The following NRXN3 variants were observed in gnomAD, a reference collection of about 807,000 sequenced individuals.
NRXN3 encodes the protein neurexin 3.
In NRXN3, 32 loss-of-function variants were observed where a neutral mutation model predicts 137.6. The observed-to-expected ratio is 0.23, with a 90% CI of 0.18 to 0.31. NRXN3 has a LOEUF of 0.31. Ranked by LOEUF, NRXN3 falls within the 10% of genes least tolerant of loss-of-function variation. The probability of loss-of-function intolerance (pLI) is 1.00; values close to 1 mark genes in which losing one functional copy is unlikely to be tolerated. For missense variants in NRXN3, 1,574 were observed against 2,062.5 expected (o/e 0.76, Z 4.59); for synonymous variants, 798 against 784.5 (o/e 1.02, Z -0.29).
rs113697897 is a variant in NRXN3 at position 79,563,866 on chromosome 14, C to A, written c.3444+96464C>A. On this transcript the variant is annotated intron_variant, in intron 16 of 20. Transcript: ENST00000335750. ...AATGATTCTGACTGGAACACAGCAG[C>A]CACCTCTCTTGTAAATAGCTGGGTC... 8.9e-4 allele frequency among the ~76,000 whole-genome samples: 136 copies of A among 152,056 alleles called. 1 individual carries two copies. In the Middle Eastern group the frequency reaches 0.017, roughly 19 times the overall value.
At chr14:79,769,094 G>A (rs1180969665) in intron 19 of NRXN3, among the ~76,000 whole-genome samples, 3 of 151,820 alleles carry the variant, frequency 2.0e-5, no homozygotes, top group Non-Finnish European at 4.4e-5. Flanking sequence ...AAGGAAACGA[G>A]CAAAGCCTCC....
At chr14:78,987,879 T>C in intron 14 of NRXN3, 143 bp from the exon 15 acceptor site, 2 of 828,664 alleles carry the variant, frequency 2.4e-6, no homozygotes, top group East Asian at 2.7e-5. Flanking sequence ...TTGCATGAGA[T>C]TGAGTTGACA....
intron 6 of NRXN3, among the ~76,000 whole-genome samples, chr14:78,694,276 A>G (rs1016961494): frequency 1.3e-5 from 2 of 152,094 alleles, no homozygotes; most frequent in Non-Finnish European, 2.9e-5. Flanking sequence ...CATGACACTC[A>G]ATAAATATAT....
intron 6 of NRXN3, among the ~76,000 whole-genome samples, chr14:78,669,279 G>A (rs1016914989): frequency 1.3e-5 from 2 of 152,122 alleles, no homozygotes; most frequent in African/African-American, 2.4e-5. Context: ...AGTAGTAGTA[G>A]TAGTAGTAAT....
At chr14:79,854,217 T>C (rs1040311892) in intron 20 of NRXN3, 1 of 920,824 alleles carries the variant, frequency 1.1e-6, no homozygotes, top group East Asian at 1.2e-4. Flanking sequence ...AATTTGTTGA[T>C]GTAAGTTGAC....
At chr14:79,208,935 A>AGTTTTTTT (rs950017598) in intron 15 of NRXN3, among the ~76,000 whole-genome samples, 12 of 147,994 alleles carry the variant, frequency 8.1e-5, no homozygotes, top group Admixed American at 3.4e-4. Context: ...TTTTGTGAAA[A>AGTTTTTTT]GTTTTTTTGT....
intron 9 of NRXN3, 148 bp downstream of exon 9, chr14:78,803,971 G>C: frequency 1.3e-6 from 1 of 757,150 alleles, no homozygotes; most frequent in South Asian, 1.5e-5. Context: ...AAACCCAACA[G>C]CAGCGATCAC....
At chr14:78,425,125 C>T (rs1043950191) in intron 4 of NRXN3, among the ~76,000 whole-genome samples, 3 of 152,192 alleles carry the variant, frequency 2.0e-5, no homozygotes, top group Non-Finnish European at 2.9e-5. Context: ...GACCAATAGA[C>T]CAGTATCCAA....
intron 17 of NRXN3, among the ~76,000 whole-genome samples, chr14:79,675,779 A>G (rs941992579): frequency 5.9e-5 from 9 of 152,096 alleles, no homozygotes; most frequent in Non-Finnish European, 1.3e-4. Flanking sequence ...TTCAACACCA[A>G]AGACAGACAC....
intron 16 of NRXN3, among the ~76,000 whole-genome samples, chr14:79,649,509 C>T (rs1375371787): frequency 6.6e-6 from 1 of 152,008 alleles, no homozygotes; most frequent in Non-Finnish European, 1.5e-5. Context: ...ATAAGGAAGG[C>T]CCTTTGGGTA....
chr14:79,379,641 G>A (rs567044707), intron 15 of NRXN3, among the ~76,000 whole-genome samples: 1 of 152,170 alleles, frequency 6.6e-6, no homozygotes, highest in African/African-American at 2.4e-5. Context: ...CTTTGTAAAT[G>A]CCACTGATGT....
intron 10 of NRXN3, among the ~76,000 whole-genome samples, chr14:78,840,481 G>A (rs1596383079): frequency 1.3e-5 from 2 of 152,176 alleles, no homozygotes; most frequent in East Asian, 3.9e-4. Flanking sequence ...GTCAGAATAG[G>A]TTAGGCTGTG....
Position 79,861,789 on chromosome 14 carries a change from T to G in NRXN3, c.4541T>G (p.Leu1514Arg). 3 of 1,614,112 alleles carry G rather than the reference T, an allele frequency of 1.9e-6. No individual in the cohort carries two copies. The highest frequency in any genetic ancestry group is 2.5e-6 in the Non-Finnish European group (3 of 1,180,030). The change falls in exon 21 of 21, where the codon CTG becomes CGG. Residue 1514 changes from leucine (L) to arginine (R), a missense_variant. By Grantham distance (102) the Leu-to-Arg change is moderately radical (BLOSUM62 -2). Coordinates refer to ENST00000335750, the MANE Select transcript of NRXN3 (RefSeq NM_001330195.2). The surrounding 1 kb of genome is among the most constrained non-coding windows in gnomAD (Gnocchi z 5.4). ...AAAALCILIL[L>R]YAMYKYRNRD... ...GCCGCCCTCTGCATCTTGATCCTCC[T>G]GTACGCCATGTACAAGTACAGGAAC...
chr14:78,403,556 A>G (rs2092265287), intron 4 of NRXN3, among the ~76,000 whole-genome samples: 1 of 152,124 alleles, frequency 6.6e-6, no homozygotes, highest in Admixed American at 6.5e-5. Flanking sequence ...TGCTGGCTGA[A>G]GCTCCCAGTG....
At chr14:79,526,272 C>T (rs746622732) in intron 16 of NRXN3, among the ~76,000 whole-genome samples, 11 of 152,280 alleles carry the variant, frequency 7.2e-5, no homozygotes, top group African/African-American at 1.9e-4. Flanking sequence ...GTCTCAACCT[C>T]GCAACCTCAG....
chr14:79,860,986 TGA>T (rs1280005903), intron 20 of NRXN3: 21 of 1,112,638 alleles, frequency 1.9e-5, no homozygotes, highest in Non-Finnish European at 2.5e-5. Context: ...GTTGGTTGAG[TGA>T]GAGTTGTTTA....
At chr14:79,790,594 C>T (rs1603503149) in intron 19 of NRXN3, among the ~76,000 whole-genome samples, 1 of 149,526 alleles carries the variant, frequency 6.7e-6, no homozygotes, top group Admixed American at 6.7e-5. Flanking sequence ...CAGGCGTGGG[C>T]CACTGTGTCT....
In NRXN3 at chr14:79,435,593, TACACACAC is replaced by T. The variant is rs35554281; in HGVS notation, c.3263-31598_3263-31591del. ...TTGGCAAGGATGTAGAACACTAAGA[TACACACAC>T]ACACACACACACACACACACACACA... On this transcript the variant is annotated intron_variant, in intron 15 of 20. Coordinates refer to ENST00000335750, the MANE Select transcript of NRXN3 (RefSeq NM_001330195.2). 7.5e-3 allele frequency among the ~76,000 whole-genome samples: 1,078 copies of T among 143,916 alleles called. 11 individuals carry two copies. The highest frequency in any genetic ancestry group is 0.026 in the African/African-American group (1,011 of 38,918). 94.4% of individuals were successfully genotyped at this position (143,916 alleles called of 152,430 possible). A position where few individuals can be genotyped will look rare whatever the true frequency, so the allele number is the denominator to read the frequency against.
chr14:78,561,693 C>T (rs2096787949), intron 4 of NRXN3, among the ~76,000 whole-genome samples: 1 of 152,214 alleles, frequency 6.6e-6, no homozygotes, highest in South Asian at 2.1e-4. Context: ...CTGGAACATA[C>T]TCCAATTTGT....
Sources: allele counts gnomAD v4.1 joint callset (sites outside exome capture counted in the v4.1 genomes callset), GRCh38; gene constraint gnomAD v4.1.1; non-coding constraint Gnocchi (gnomAD v3.1); transcripts MANE v1.5; gene names NCBI Gene and HGNC (gene_info 2026-07-23, HGNC 2026-07-21).